EPHA6: variants seen among roughly 807,000 people sequenced by gnomAD.
EPHA6 encodes EPH receptor A6.
EPHA6 carries 50 observed loss-of-function variants against 112.0 expected under a neutral mutation model. The observed-to-expected ratio is 0.45, with a 90% CI of 0.36 to 0.56. The LOEUF (loss-of-function observed/expected upper bound fraction) is 0.56. EPHA6 is among the 20% of genes least tolerant of loss of function. The pLI is 0.00. For missense variants in EPHA6, 1,280 were observed against 1,417.4 expected, an observed-to-expected ratio of 0.90 and a Z score of 1.56; for synonymous variants, 529 against 490.7, an observed-to-expected ratio of 1.08 and a Z score of -1.03.
rs1345385838 is a variant in EPHA6, at chr3:97,755,598, T to C, written c.*6897T>C. ...CCCTCGCTGAAGTGAGAACTATCTT[T>C]ATCCCAAAATAATACATTATTATAG... is the stretch of plus-strand genomic sequence containing the variant. On this transcript the variant is annotated 3_prime_UTR_variant, in exon 18 of 18. Coordinates refer to ENST00000389672, the MANE Select transcript of EPHA6 (RefSeq NM_001080448.3). 1.3e-5 allele frequency among the ~76,000 whole-genome samples: 2 copies of C among 152,172 alleles called. No individual in the cohort carries two copies. Among genetic ancestry groups the C allele is most frequent in the Non-Finnish European group, 2.9e-5 (2 of 67,990 alleles).
intron 11 of EPHA6, among the ~76,000 whole-genome samples, chr3:97,539,413 G>A (rs1458407695): frequency 6.6e-6 from 1 of 152,058 alleles, no homozygotes; most frequent in African/African-American, 2.4e-5. Flanking sequence ...CACGGGAAGT[G>A]CTAGGATTAC....
chr3:97,539,688 A>ATCCTAAAT (rs2092821394), intron 11 of EPHA6, among the ~76,000 whole-genome samples: 1 of 152,184 alleles, frequency 6.6e-6, no homozygotes, highest in South Asian at 2.1e-4. Context: ...GCCCAGGCTG[A>ATCCTAAAT]TCCTAAATGG....
chr3:96,910,279 C>A (rs143205533), intron 2 of EPHA6, among the ~76,000 whole-genome samples: 534 of 152,080 alleles, frequency 3.5e-3, no homozygotes, highest in Non-Finnish European at 5.2e-3. Context: ...CCCTTTCTAC[C>A]ATCAAATTTT....
At chr3:96,979,686 A>G (rs1227708311) in intron 2 of EPHA6, among the ~76,000 whole-genome samples, 13 of 152,182 alleles carry the variant, frequency 8.5e-5, no homozygotes, top group Non-Finnish European at 1.6e-4. Context: ...AAGTGTTCCT[A>G]TTTCTCCACA....
intron 3 of EPHA6, among the ~76,000 whole-genome samples, chr3:97,152,414 C>G (rs1442346370): frequency 6.7e-6 from 1 of 149,074 alleles, no homozygotes; most frequent in Non-Finnish European, 1.5e-5. Flanking sequence ...CAAGTATAAA[C>G]TAATATTATT....
At chr3:97,616,825 T>G (rs2107485271) in intron 13 of EPHA6, among the ~76,000 whole-genome samples, 2 of 152,184 alleles carry the variant, frequency 1.3e-5, no homozygotes, top group South Asian at 4.2e-4. Context: ...CTGAAAGAGA[T>G]GGGGAGAATG....
At chr3:97,003,489 G>A (rs1249738107) in intron 3 of EPHA6, among the ~76,000 whole-genome samples, 5 of 152,008 alleles carry the variant, frequency 3.3e-5, no homozygotes, top group Non-Finnish European at 7.4e-5. Context: ...GATCTATTTG[G>A]GGAAAAGAGA....
intron 3 of EPHA6, among the ~76,000 whole-genome samples, chr3:97,040,394 A>G (rs1047663419): frequency 2.6e-5 from 4 of 152,060 alleles, no homozygotes; most frequent in African/African-American, 7.2e-5. Flanking sequence ...ACATAAAACA[A>G]CTTCATTATA....
chr3:97,612,200 C>T (rs1156501642), intron 13 of EPHA6, among the ~76,000 whole-genome samples: 3 of 151,954 alleles, frequency 2.0e-5, no homozygotes, highest in Non-Finnish European at 4.4e-5. Flanking sequence ...ACAGGACCAC[C>T]TATGGTACTT....
intron 2 of EPHA6, among the ~76,000 whole-genome samples, chr3:96,975,925 A>T (rs924194805): frequency 6.6e-6 from 1 of 152,106 alleles, no homozygotes; most frequent in African/African-American, 2.4e-5. Context: ...TTTTATTGTA[A>T]GTTCTACATA....
At position 96,987,547 on chromosome 3, in the gene EPHA6, A is replaced by G. The variant is rs774754164; in HGVS notation, c.668A>G (p.Tyr223Cys). The change falls in exon 3 of 18, where the codon TAT (tyrosine) becomes TGT (cysteine). Residue 223 changes from tyrosine (Y) to cysteine (C), a missense_variant. Around this residue, in one of 4 missense-constraint regions of EPHA6, gnomAD observed 878 missense variants for 999.7 expected, o/e 0.88. Transcript: ENST00000389672. The stretch of plus-strand genomic sequence containing the variant: ...TGCAAAGAAACATTTAATCTGTTTT[A>G]TATGGAATCAGATGAGTCCCACGGA... ...GTCKETFNLF[Y>C]MESDESHGIK... 3.1e-6 allele frequency: 5 copies of G among 1,613,772 alleles called. 1 individual carries two copies. The East Asian group carries it at 8.9e-5, about 29-fold the overall frequency.
Position 97,751,876 on chromosome 3 carries a change from T to G in EPHA6, c.*3175T>G, listed in dbSNP as rs1036323138. Among the ~76,000 whole-genome samples the G allele has an allele frequency of 1.3e-5, 2 of 152,128 alleles. No individual in the cohort carries two copies. The highest frequency in any genetic ancestry group is 4.1e-4 in the South Asian group (2 of 4,830). On this transcript the variant is annotated 3_prime_UTR_variant, in exon 18 of 18. Transcript: ENST00000389672. ...TTAAAACCAGACAGTTAAAAAATCA[T>G]TTTCATTTTATTTCTAGATGGTCAA...
chr3:97,137,933 G>T (rs1420741032), intron 3 of EPHA6, among the ~76,000 whole-genome samples: 1 of 152,146 alleles, frequency 6.6e-6, no homozygotes, highest in Non-Finnish European at 1.5e-5. Context: ...ATGCAGCTAT[G>T]ACGTCCCTCT....
chr3:97,148,242 GA>G (rs1213023968), intron 3 of EPHA6, among the ~76,000 whole-genome samples: 1 of 152,040 alleles, frequency 6.6e-6, no homozygotes, highest in African/African-American at 2.4e-5. Context: ...GGCTGAGGCA[GA>G]AAGATTGCTT....
intron 2 of EPHA6, among the ~76,000 whole-genome samples, chr3:96,871,363 T>C (rs2036613485): frequency 6.6e-6 from 1 of 152,044 alleles, no homozygotes; most frequent in South Asian, 2.1e-4. Flanking sequence ...AAACAATGTC[T>C]GGTTCATAAT....
chr3:97,146,246 C>A (rs1224341921), intron 3 of EPHA6, among the ~76,000 whole-genome samples: 1 of 151,784 alleles, frequency 6.6e-6, no homozygotes, highest in Non-Finnish European at 1.5e-5. Context: ...TTTATTCTAT[C>A]CTTCCTTGAC....
At chr3:96,875,244 C>G (rs926590032) in intron 2 of EPHA6, among the ~76,000 whole-genome samples, 2 of 152,062 alleles carry the variant, frequency 1.3e-5, no homozygotes, top group Admixed American at 6.6e-5. Flanking sequence ...TCATCCAAAG[C>G]TGATGGCTTT....
intron 14 of EPHA6, among the ~76,000 whole-genome samples, chr3:97,645,961 G>A (rs571222508): frequency 2.6e-5 from 4 of 152,106 alleles, no homozygotes; most frequent in Admixed American, 2.6e-4. Flanking sequence ...AGACATGATA[G>A]ATAAAGGTTG....
chr3:97,532,124 A>G (rs911940337), intron 10 of EPHA6, among the ~76,000 whole-genome samples: 1 of 152,106 alleles, frequency 6.6e-6, no homozygotes, highest in South Asian at 2.1e-4. Context: ...GATATCTATC[A>G]ATAGTATTTC....
Sources: gnomAD v4.1 joint callset for allele counts (sites outside exome capture counted in the v4.1 genomes callset) on GRCh38, gnomAD v4.1.1 for gene constraint, gnomAD v4.1.1 regional missense constraint, MANE v1.5 for transcripts, NCBI Gene and HGNC (gene_info 2026-07-23, HGNC 2026-07-21) for gene names.